The following DOCK7 variants were observed in gnomAD, a reference collection of about 807,000 sequenced individuals.
DOCK7 encodes the protein dedicator of cytokinesis 7.
DOCK7 carries 138 observed loss-of-function variants against 271.0 expected under a neutral mutation model. That is an observed-to-expected ratio of 0.51 (90% CI 0.44 to 0.59). The LOEUF is 0.59. DOCK7 is among the 20% of genes least tolerant of loss of function. The probability of loss-of-function intolerance (pLI) is 0.00; values close to 1 mark genes in which losing one functional copy is unlikely to be tolerated. For synonymous variants in DOCK7, 823 were observed against 876.1 expected, an observed-to-expected ratio of 0.94 and a Z score of 1.07; for missense variants, 2,066 against 2,592.4, an observed-to-expected ratio of 0.80 and a Z score of 4.41.
At chr1:62,600,728 ATTAAAC>A (rs1285658823) in intron 14 of DOCK7, among the ~76,000 whole-genome samples, 2 of 151,804 alleles carry the variant, frequency 1.3e-5, no homozygotes, top group African/African-American at 2.4e-5. Context: ...ACTGAAAATT[ATTAAAC>A]TTAAAATCTG....
rs72667365 is a variant in DOCK7 at position 62,546,791 on chromosome 1, G to A, written c.2767-1752C>T. 4.4e-3 allele frequency among the ~76,000 whole-genome samples: 672 copies of A among 151,890 alleles called. 2 individuals carry two copies. Among genetic ancestry groups the A allele is most frequent in the Non-Finnish European group, 6.2e-3 (424 of 67,872 alleles). ...TCTCAGAATCCCATTACAATATTTC[G>A]AATAAAAGCAAACCAAAAGGCTTAT... is the stretch of plus-strand genomic sequence containing the variant. On this transcript the variant is annotated intron_variant, in intron 22 of 49. Transcript: ENST00000635253.
chr1:62,568,250 A>G (rs1410426237), intron 18 of DOCK7, among the ~76,000 whole-genome samples: 1 of 152,138 alleles, frequency 6.6e-6, no homozygotes, highest in East Asian at 1.9e-4. Flanking sequence ...CAGCTAAAGC[A>G]GTGTTAACAG....
chr1:62,672,050 T>C (rs1021076291), intron 1 of DOCK7, among the ~76,000 whole-genome samples: 1 of 151,564 alleles, frequency 6.6e-6, no homozygotes, highest in South Asian at 2.1e-4. Flanking sequence ...AAGAAAAAAT[T>C]TCAAACTTCA....
intron 43 of DOCK7, chr1:62,485,038 G>A: frequency 1.8e-6 from 1 of 569,678 alleles, no homozygotes; most frequent in Non-Finnish European, 2.2e-6. Flanking sequence ...GGAGGCTGAG[G>A]TGGGAAGATC....
chr1:62,563,908 A>T (rs1368173046), intron 18 of DOCK7, among the ~76,000 whole-genome samples: 4 of 137,738 alleles, frequency 2.9e-5, no homozygotes, highest in Non-Finnish European at 4.6e-5. Flanking sequence ...AAAAAAAGGC[A>T]GGCGTTGTAA....
At chr1:62,580,396 CAAT>C (rs1307690054) in intron 16 of DOCK7, among the ~76,000 whole-genome samples, 17 of 152,120 alleles carry the variant, frequency 1.1e-4, no homozygotes, top group African/African-American at 3.6e-4. Context: ...AGTTTACCAA[CAAT>C]GTCAGATGGC....
In DOCK7 at chr1:62,543,663, G is replaced by C. The variant is rs751569212; in HGVS notation, c.2942C>G (p.Thr981Ser). The C allele has an allele frequency of 6.3e-7, 1 of 1,598,472 alleles. No individual in the cohort carries two copies. The highest frequency in any genetic ancestry group is 2.2e-5 in the East Asian group (1 of 44,656). The change falls in exon 24 of 50, where the codon ACT (threonine) becomes AGT (serine). Residue 981 changes from threonine to serine, a missense_variant. Thr to Ser is a moderately conservative substitution (Grantham distance 58). Transcript: ENST00000635253. ...FLQTLTGRLP[T>S]KKLFHEELAL... ...GTCTTCATATGAATCTACCTTTTTAGTTGGTAAGCGTCCCGTTAATGTTTG... is the reference window on the plus strand; with the variant it reads ...GTCTTCATATGAATCTACCTTTTTACTTGGTAAGCGTCCCGTTAATGTTTG...
At chr1:62,683,372 T>C (rs1661383205) in intron 1 of DOCK7, among the ~76,000 whole-genome samples, 1 of 152,214 alleles carries the variant, frequency 6.6e-6, no homozygotes, top group Non-Finnish European at 1.5e-5. Flanking sequence ...TGGGCCCATC[T>C]GCCCAGAGTT....
intron 10 of DOCK7, among the ~76,000 whole-genome samples, chr1:62,631,671 A>G (rs535748397): frequency 1.3e-5 from 2 of 152,214 alleles, no homozygotes; most frequent in Non-Finnish European, 2.9e-5. Context: ...AGTAAGTACC[A>G]AACATGTATT....
intron 41 of DOCK7, among the ~76,000 whole-genome samples, chr1:62,490,817 T>C (rs1167039447): frequency 2.0e-5 from 3 of 152,148 alleles, no homozygotes; most frequent in Non-Finnish European, 4.4e-5. Context: ...TTTTTCCCCC[T>C]GCTAGCTTAG....
intron 36 of DOCK7, among the ~76,000 whole-genome samples, chr1:62,505,031 A>G (rs1646900011): frequency 6.6e-6 from 1 of 152,226 alleles, no homozygotes; most frequent in African/African-American, 2.4e-5. Flanking sequence ...GCCTAATAAT[A>G]TATCTACAAG....
intron 25 of DOCK7, 106 bp from the exon 26 acceptor site, chr1:62,539,998 T>A: frequency 1.4e-6 from 1 of 696,544 alleles, no homozygotes; most frequent in Non-Finnish European, 2.2e-6. Flanking sequence ...ATTTAATAGA[T>A]GACTGAAATA....
In DOCK7 at chr1:62,543,751, G is replaced by GA; in HGVS notation, c.2860-7dup. ...TTACAACTTCGATCCATAGCCTATG[G>GA]AGTGAAGATGAATGAATGACGAGAT... On this transcript the variant is annotated splice_region_variant and splice_polypyrimidine_tract_variant and intron_variant, in intron 23 of 49. Transcript: ENST00000635253. The GA allele has an allele frequency of 6.4e-7, 1 of 1,567,436 alleles. No individual in the cohort carries two copies. Among genetic ancestry groups the GA allele is most frequent in the Non-Finnish European group, 8.7e-7 (1 of 1,145,696 alleles).
chr1:62,668,373 G>A (rs907146737), intron 1 of DOCK7, among the ~76,000 whole-genome samples: 27 of 152,280 alleles, frequency 1.8e-4, no homozygotes, highest in African/African-American at 6.3e-4. Flanking sequence ...ACAGATTTAT[G>A]AGATATAACC....
intron 1 of DOCK7, among the ~76,000 whole-genome samples, chr1:62,670,796 G>A (rs1440182266): frequency 6.6e-6 from 1 of 152,184 alleles, no homozygotes; most frequent in Non-Finnish European, 1.5e-5. Context: ...GGATGTGGGT[G>A]GGGCCAGATA....
chr1:62,631,171 C>T lies in DOCK7; in HGVS notation c.1282+69G>A, dbSNP rs143399868. ...CTGCCCTCCAGCCTAGGCCATAGAG[C>T]GAAACTCCATCTCAAAAAAAAAAGA... On this transcript the variant is annotated intron_variant, in intron 11 of 49. Coordinates refer to ENST00000635253, the MANE Select transcript of DOCK7 (RefSeq NM_001367561.1). 228 of 1,426,570 alleles carry T rather than the reference C, an allele frequency of 1.6e-4. 2 individuals are homozygous for T. In the African/African-American group the frequency reaches 2.4e-3, roughly 15 times the overall value. The allele number at this position is 1,426,570 out of a possible 1,614,324, so 88.4% of individuals were successfully genotyped here. A position where few individuals can be genotyped will look rare whatever the true frequency, so the allele number is the denominator to read the frequency against.
chr1:62,626,122 T>C (rs543091837), intron 11 of DOCK7, among the ~76,000 whole-genome samples: 4 of 152,114 alleles, frequency 2.6e-5, no homozygotes. Context: ...GTAAGTATAA[T>C]AGCCCATTTA....
At chr1:62,488,145 C>G (rs1372323993) in intron 42 of DOCK7, 1 of 152,338 alleles carries the variant, frequency 6.6e-6, no homozygotes, top group Non-Finnish European at 1.5e-5. Context: ...CATACTCCAA[C>G]TCCTTTGACA....
intron 31 of DOCK7, among the ~76,000 whole-genome samples, chr1:62,519,849 A>G (rs1444849932): frequency 6.6e-6 from 1 of 152,208 alleles, no homozygotes; most frequent in Non-Finnish European, 1.5e-5. Flanking sequence ...CCTGACTTCA[A>G]ACTATACTAC....
Sources: gnomAD v4.1 joint callset for allele counts (sites outside exome capture counted in the v4.1 genomes callset) on GRCh38, gnomAD v4.1.1 for gene constraint, MANE v1.5 for transcripts, NCBI Gene and HGNC (gene_info 2026-07-23, HGNC 2026-07-21) for gene names.